The following CFHR4 variants were observed in gnomAD, a reference collection of about 807,000 sequenced individuals.
The protein encoded by CFHR4 is complement factor H related 4.
CFHR4 carries 64 observed loss-of-function variants against 69.3 expected under a neutral mutation model. The observed-to-expected ratio is 0.92, with a 90% CI of 0.76 to 1.14. The LOEUF (loss-of-function observed/expected upper bound fraction) is 1.14, where lower values mean the gene tolerates loss of function less well. Ranked by LOEUF, CFHR4 falls within the 50% of genes most tolerant of loss-of-function variation. The pLI, the probability that CFHR4 is intolerant of heterozygous loss-of-function variation, is 0.00. For missense variants in CFHR4, 636 were observed against 684.9 expected, an observed-to-expected ratio of 0.93 and a Z score of 0.80; for synonymous variants, 244 against 237.0, an observed-to-expected ratio of 1.03 and a Z score of -0.27.
At position 196,897,259 on chromosome 1, in the gene CFHR4, G is replaced by A. The variant is rs1407934933; in HGVS notation, c.59-5159G>A. Among the ~76,000 whole-genome samples the A allele has an allele frequency of 2.0e-5, 3 of 151,616 alleles. 1 individual carries two copies. The highest frequency in any genetic ancestry group is 7.3e-5 in the African/African-American group (3 of 41,090). On this transcript the variant is annotated intron_variant, in intron 1 of 9. Coordinates refer to ENST00000608469, the MANE Select transcript of CFHR4 (RefSeq NM_001201550.3). ...CCTAGGGGCAGCTTGCAGACGGGCA[G>A]GTGCAGAGGCCGGCATGAGTGCTTT...
chr1:196,898,199 T>C (rs543366094), intron 1 of CFHR4, among the ~76,000 whole-genome samples: 51 of 151,258 alleles, frequency 3.4e-4, no homozygotes, highest in South Asian at 1.9e-3. Flanking sequence ...AAACACAGAA[T>C]TGAAGATTTA....
At position 196,899,370 on chromosome 1, in the gene CFHR4, T is replaced by C. The variant is rs1657475818; in HGVS notation, c.59-3048T>C. ...AGTGCAGCAGCGCAGTATACGTCGC[T>C]GCAATCTTGACCTCCTTGGCTCAAA... On this transcript the variant is annotated intron_variant, in intron 1 of 9. Transcript: ENST00000608469. Among the ~76,000 whole-genome samples the C allele has an allele frequency of 2.0e-5, 3 of 151,706 alleles. 1 individual carries two copies. The South Asian group carries it at 6.2e-4, about 31-fold the overall frequency.
At chr1:196,914,792 G>A (rs1350273828) in intron 8 of CFHR4, 121 bp downstream of exon 8, 1 of 1,411,510 alleles carries the variant, frequency 7.1e-7, no homozygotes, top group East Asian at 2.6e-5. Context: ...TCCTATGAGT[G>A]TGAATTATCT....
chr1:196,910,695 T>G (rs1314196361), intron 6 of CFHR4, among the ~76,000 whole-genome samples: 2 of 151,464 alleles, frequency 1.3e-5, no homozygotes, highest in Non-Finnish European at 2.9e-5. Flanking sequence ...CCTATATAAT[T>G]TAAACATATT....
intron 1 of CFHR4, 88 bp downstream of exon 1, chr1:196,888,296 T>C: frequency 7.6e-7 from 1 of 1,312,518 alleles, no homozygotes; most frequent in Non-Finnish European, 1.1e-6. Flanking sequence ...AATTTTTTTA[T>C]AAATCTGATA....
chr1:196,907,642 A>C, intron 5 of CFHR4, 144 bp downstream of exon 5: 1 of 677,680 alleles, frequency 1.5e-6, no homozygotes, highest in Non-Finnish European at 2.4e-6. Context: ...TTCAGATCTT[A>C]ATATATAAGT....
intron 1 of CFHR4, among the ~76,000 whole-genome samples, chr1:196,895,821 TA>T (rs1657263700): frequency 6.6e-6 from 1 of 151,648 alleles, no homozygotes. Flanking sequence ...TTGTATGACA[TA>T]ATTTTTTTGT....
At chr1:196,898,657 T>C (rs1657435227) in intron 1 of CFHR4, among the ~76,000 whole-genome samples, 1 of 151,654 alleles carries the variant, frequency 6.6e-6, no homozygotes, top group Non-Finnish European at 1.5e-5. Context: ...AAAACATATT[T>C]GCTTAAAACA....
rs976069081 is a variant in CFHR4 at position 196,898,694 on chromosome 1, T to C, written c.59-3724T>C. Among the ~76,000 whole-genome samples the C allele has an allele frequency of 2.0e-5, 3 of 151,656 alleles. 1 individual carries two copies. Among genetic ancestry groups the C allele is most frequent in the African/African-American group, 7.3e-5 (3 of 41,104 alleles). ...TAAACCTTTATTTTCTCACAGATTT[T>C]GTGGGTCAGGCATTTGGGAGTGACT... On this transcript the variant is annotated intron_variant, in intron 1 of 9. Coordinates refer to ENST00000608469, the MANE Select transcript of CFHR4 (RefSeq NM_001201550.3).
rs953797365 is a variant in CFHR4 at position 196,906,613 on chromosome 1, CTAAA to C, written c.440-245_440-242del. 4.0e-5 allele frequency among the ~76,000 whole-genome samples: 6 copies of C among 151,222 alleles called. No individual in the cohort carries two copies. In the East Asian group the frequency reaches 5.8e-4, roughly 15 times the overall value. The stretch of plus-strand genomic sequence containing the variant: ...TGTTCACAAATAAAAATAGATCTGA[CTAAA>C]TAGTCTTAATATGTTTTTCATAGGG... On this transcript the variant is annotated intron_variant, in intron 3 of 9. Coordinates refer to ENST00000608469, the MANE Select transcript of CFHR4 (RefSeq NM_001201550.3).
rs1049988689 is a variant in CFHR4 at position 196,915,816 on chromosome 1, C to T, written c.1540+678C>T. Among the ~76,000 whole-genome samples, 6 of 151,350 alleles carry T rather than the reference C, an allele frequency of 4.0e-5. 1 individual carries two copies. Among genetic ancestry groups the T allele is most frequent in the Non-Finnish European group, 7.4e-5 (5 of 67,932 alleles). On this transcript the variant is annotated intron_variant, in intron 9 of 9. Coordinates refer to ENST00000608469, the MANE Select transcript of CFHR4 (RefSeq NM_001201550.3). ...TGAAATATGGCATCTCAGCTTAACA[C>T]CAGTAATCATTTTCACATTATTAAC... is the stretch of plus-strand genomic sequence containing the variant.
At position 196,915,552 on chromosome 1, in the gene CFHR4, C is replaced by T. The variant is rs187156525; in HGVS notation, c.1540+414C>T. 9.0e-3 allele frequency among the ~76,000 whole-genome samples: 1,365 copies of T among 151,214 alleles called. 66 individuals are homozygous for T. Among genetic ancestry groups the T allele is most frequent in the African/African-American group, 0.032 (1,299 of 41,012 alleles). On this transcript the variant is annotated intron_variant, in intron 9 of 9. Coordinates refer to ENST00000608469, the MANE Select transcript of CFHR4 (RefSeq NM_001201550.3). ...CAGGAGGGTGAGGCAGGAGAATCAT[C>T]TGAACCCGGGAGGCAGAGGTTGCAG... is the stretch of plus-strand genomic sequence containing the variant.
intron 1 of CFHR4, among the ~76,000 whole-genome samples, chr1:196,899,315 A>G (rs1657471767): frequency 6.6e-6 from 1 of 151,404 alleles, no homozygotes; most frequent in South Asian, 2.1e-4. Flanking sequence ...TTCTTTTTAA[A>G]ACAAGGTCTT....
chr1:196,902,387 A>C (rs1428768447), intron 1 of CFHR4, 31 bp from the exon 2 acceptor site: 1 of 1,413,092 alleles, frequency 7.1e-7, no homozygotes, highest in Admixed American at 1.8e-5. Flanking sequence ...GAAAAACATT[A>C]TTTATACTGT....
In CFHR4 at chr1:196,918,528, T is replaced by A. The variant is rs1658790796; in HGVS notation, c.*122T>A. The A allele has an allele frequency of 2.9e-6, 3 of 1,032,996 alleles. No homozygotes were observed. The highest frequency in any genetic ancestry group is 1.6e-5 in the African/African-American group (1 of 60,960). 64.0% of individuals were successfully genotyped at this position (1,032,996 alleles called of 1,614,324 possible). Reference sequence around the variant, plus strand: ...TACTTTATTTCAAAGAAAATTAATATAATAGTTTCAATTTGCAACTTAATA... The same window carrying A: ...TACTTTATTTCAAAGAAAATTAATAAAATAGTTTCAATTTGCAACTTAATA... On this transcript the variant is annotated 3_prime_UTR_variant, in exon 10 of 10. Transcript: ENST00000608469.
chr1:196,892,573 G>T (rs552279229), intron 1 of CFHR4, among the ~76,000 whole-genome samples: 1 of 151,284 alleles, frequency 6.6e-6, no homozygotes, highest in South Asian at 2.1e-4. Flanking sequence ...AATAAATAGG[G>T]CATGGGTTAT....
chr1:196,910,179 A>G, intron 5 of CFHR4, 102 bp from the exon 6 acceptor site: 1 of 755,856 alleles, frequency 1.3e-6, no homozygotes, highest in Non-Finnish European at 2.0e-6. Flanking sequence ...AAGAAAAAAA[A>G]AAACATTATT....
At chr1:196,897,182 G>T (rs1198684988) in intron 1 of CFHR4, among the ~76,000 whole-genome samples, 2 of 151,520 alleles carry the variant, frequency 1.3e-5, no homozygotes, top group African/African-American at 4.9e-5. Flanking sequence ...GATTCCCCTC[G>T]CAGGACGTGC....
chr1:196,909,878 G>A (rs146023933), intron 5 of CFHR4, among the ~76,000 whole-genome samples: 20 of 151,062 alleles, frequency 1.3e-4, no homozygotes, highest in Admixed American at 9.9e-4. Context: ...CCAGCCAGGC[G>A]CGGTGGCTCA....
Sources: allele counts gnomAD v4.1 joint callset (sites outside exome capture counted in the v4.1 genomes callset), GRCh38; gene constraint gnomAD v4.1.1; transcripts MANE v1.5; gene names NCBI Gene and HGNC (gene_info 2026-07-23, HGNC 2026-07-21).